Variants in PXDNL observed in about 807,000 individuals in gnomAD.
The protein encoded by PXDNL is probable oxidoreductase PXDNL.
A neutral mutation model predicts 150.8 loss-of-function variants in PXDNL; 145 were observed. The ratio of observed to expected loss-of-function variants is 0.96; its 90% CI spans 0.84 to 1.10. The LOEUF (loss-of-function observed/expected upper bound fraction) is 1.10, where lower values mean the gene tolerates loss of function less well. Ranked by LOEUF, PXDNL falls within the 50% of genes least tolerant of loss-of-function variation. The pLI, the probability that PXDNL is intolerant of heterozygous loss-of-function variation, is 0.00. For missense variants in PXDNL, 2,087 were observed against 1,873.9 expected (o/e 1.11, Z -2.10); for synonymous variants, 757 against 725.7 (o/e 1.04, Z -0.69).
chr8:51,529,805 C>T (rs559711976), intron 4 of PXDNL, among the ~76,000 whole-genome samples: 1 of 152,322 alleles, frequency 6.6e-6, no homozygotes, highest in East Asian at 1.9e-4. Context: ...CCCTTCCATT[C>T]TTCCACATCT....
intron 4 of PXDNL, among the ~76,000 whole-genome samples, chr8:51,545,789 A>C (rs1563458860): frequency 6.6e-6 from 1 of 152,222 alleles, no homozygotes; most frequent in Non-Finnish European, 1.5e-5. Flanking sequence ...TCACCTCTTA[A>C]AAGTCCAACC....
At chr8:51,569,974 T>A (rs969878093) in intron 3 of PXDNL, among the ~76,000 whole-genome samples, 7 of 151,920 alleles carry the variant, frequency 4.6e-5, no homozygotes, top group Non-Finnish European at 8.8e-5. Context: ...GTGCTTTTGT[T>A]GCCCGGGATC....
At chr8:51,335,032 C>A (rs1389923618) in intron 21 of PXDNL, among the ~76,000 whole-genome samples, 1 of 152,128 alleles carries the variant, frequency 6.6e-6, no homozygotes, top group East Asian at 1.9e-4. Flanking sequence ...TCTGGAGTAT[C>A]TTTTATTCCT....
intron 12 of PXDNL, among the ~76,000 whole-genome samples, chr8:51,430,315 C>G (rs1469676591): frequency 1.3e-5 from 2 of 152,180 alleles, no homozygotes; most frequent in Non-Finnish European, 2.9e-5. Flanking sequence ...TTCAGCCAAG[C>G]TCCTGTGAAT....
At chr8:51,566,083 A>G (rs1812824383) in intron 3 of PXDNL, among the ~76,000 whole-genome samples, 2 of 151,642 alleles carry the variant, frequency 1.3e-5, no homozygotes, top group East Asian at 1.9e-4. Flanking sequence ...TTCTTCCCTA[A>G]CCTGTTGATA....
At chr8:51,702,426 G>A (rs1270285724) in intron 1 of PXDNL, among the ~76,000 whole-genome samples, 1 of 152,208 alleles carries the variant, frequency 6.6e-6, no homozygotes, top group African/African-American at 2.4e-5. Flanking sequence ...CAATATGGTA[G>A]AGGGAAAAAC....
chr8:51,423,534 A>G (rs1256754028), intron 14 of PXDNL, 41 bp downstream of exon 14: 1 of 1,579,050 alleles, frequency 6.3e-7, no homozygotes. Context: ...CTGTTCAAAG[A>G]CAGTTATTTG....
At chr8:51,721,202 G>A (rs1483260018) in intron 1 of PXDNL, among the ~76,000 whole-genome samples, 1 of 152,206 alleles carries the variant, frequency 6.6e-6, no homozygotes, top group Non-Finnish European at 1.5e-5. Flanking sequence ...CACTGAAAAC[G>A]AGCAGAGACC....
In PXDNL at chr8:51,320,944, G is replaced by A. The variant is rs761899792; in HGVS notation, c.4147-47C>T. 7.3e-6 allele frequency: 10 copies of A among 1,362,226 alleles called. No homozygotes were observed. The East Asian group carries it at 2.1e-4, about 28-fold the overall frequency. The allele number at this position is 1,362,226 out of a possible 1,614,324, so 84.4% of individuals were successfully genotyped here. A position where few individuals can be genotyped will look rare whatever the true frequency, so the allele number is the denominator to read the frequency against. ...AGAAGAGTGGAAATTGAAGCGGATA[G>A]CAACAAAGCCAATCAATAACATGGT... On this transcript the variant is annotated intron_variant, in intron 21 of 22. Transcript: ENST00000356297.
At chr8:51,418,309 T>C (rs1343168101) in intron 14 of PXDNL, among the ~76,000 whole-genome samples, 3 of 152,240 alleles carry the variant, frequency 2.0e-5, no homozygotes, top group Non-Finnish European at 4.4e-5. Flanking sequence ...TATCTCTTAA[T>C]TAGTTTGTAA....
At chr8:51,706,353 C>T (rs1485828825) in intron 1 of PXDNL, among the ~76,000 whole-genome samples, 1 of 151,996 alleles carries the variant, frequency 6.6e-6, no homozygotes, top group African/African-American at 2.4e-5. Flanking sequence ...GACTCTTTAC[C>T]TCCAATACTT....
chr8:51,374,761 C>T (rs1807249606), intron 17 of PXDNL, 30 bp from the exon 18 acceptor site: 2 of 1,603,548 alleles, frequency 1.2e-6, no homozygotes, highest in Admixed American at 1.7e-5. Context: ...ACAGCGCACA[C>T]CTGAGACTGA....
chr8:51,567,664 A>G (rs932188783), intron 3 of PXDNL, among the ~76,000 whole-genome samples: 1 of 151,780 alleles, frequency 6.6e-6, no homozygotes, highest in Non-Finnish European at 1.5e-5. Context: ...AATTGATTAT[A>G]CTATTTCATG....
intron 1 of PXDNL, among the ~76,000 whole-genome samples, chr8:51,776,734 T>G (rs902441912): frequency 6.6e-6 from 1 of 152,066 alleles, no homozygotes; most frequent in Non-Finnish European, 1.5e-5. Flanking sequence ...CATCCAATGA[T>G]TCCCTCATTC....
At chr8:51,688,970 C>T (rs73576204) in intron 1 of PXDNL, among the ~76,000 whole-genome samples, 5,163 of 152,298 alleles carry the variant, frequency 0.034, 275 homozygotes, top group African/African-American at 0.11. Context: ...GAAGTTCAGA[C>T]ATCTCTTGGC....
chr8:51,503,562 A>C (rs1165786557), intron 4 of PXDNL, among the ~76,000 whole-genome samples: 1 of 152,178 alleles, frequency 6.6e-6, no homozygotes, highest in Non-Finnish European at 1.5e-5. Context: ...ATCCTCTCCT[A>C]CATCTTATTT....
intron 3 of PXDNL, among the ~76,000 whole-genome samples, chr8:51,581,605 A>G (rs1813214633): frequency 6.6e-6 from 1 of 152,198 alleles, no homozygotes; most frequent in African/African-American, 2.4e-5. Flanking sequence ...TCATGAAAGC[A>G]TAAAATTAGG....
chr8:51,605,517 GA>G (rs1044176020), intron 2 of PXDNL, among the ~76,000 whole-genome samples: 34 of 151,672 alleles, frequency 2.2e-4, no homozygotes, highest in African/African-American at 8.3e-4. Context: ...TTATTAAAAA[GA>G]AAATCACAAG....
chr8:51,742,646 T>TTA (rs1237705554), intron 1 of PXDNL, among the ~76,000 whole-genome samples: 1 of 150,938 alleles, frequency 6.6e-6, no homozygotes, highest in Admixed American at 6.6e-5. Flanking sequence ...TATAAACATT[T>TTA]TATATATATA....
Sources: gnomAD v4.1 joint callset for allele counts (sites outside exome capture counted in the v4.1 genomes callset) on GRCh38, gnomAD v4.1.1 for gene constraint, MANE v1.5 for transcripts, NCBI Gene and HGNC (gene_info 2026-07-23, HGNC 2026-07-21) for gene names.